CRTAC1: variants seen among roughly 807,000 people sequenced by gnomAD.
The protein encoded by CRTAC1 is acidic secreted protein in cartilage.
Under a neutral mutation model 67.8 loss-of-function variants are expected in CRTAC1, and 37 were observed. That is an observed-to-expected ratio of 0.55 (90% CI 0.42 to 0.72). The LOEUF (loss-of-function observed/expected upper bound fraction) is 0.72, where lower values mean the gene tolerates loss of function less well. Among genes scored for constraint, CRTAC1 ranks in the 30% least tolerant of loss-of-function variants. The pLI is 0.00. For synonymous variants in CRTAC1, 348 were observed against 371.0 expected (o/e 0.94, Z 0.71); for missense variants, 780 against 931.6 (o/e 0.84, Z 2.12).
At chr10:97,947,989 T>C (rs1008179572) in intron 2 of CRTAC1, among the ~76,000 whole-genome samples, 11 of 152,154 alleles carry the variant, frequency 7.2e-5, no homozygotes, top group African/African-American at 2.6e-4. Context: ...TACTGTTATG[T>C]CAAAACAATG....
chr10:97,922,003 A>T (rs541463723), intron 4 of CRTAC1, among the ~76,000 whole-genome samples: 1 of 151,930 alleles, frequency 6.6e-6, no homozygotes, highest in African/African-American at 2.4e-5. Flanking sequence ...TTTGTGATTA[A>T]CCTGCATGCC....
At chr10:98,027,319 A>G (rs1201183028) in intron 1 of CRTAC1, among the ~76,000 whole-genome samples, 3 of 152,230 alleles carry the variant, frequency 2.0e-5, no homozygotes, top group African/African-American at 4.8e-5. Flanking sequence ...GAAGAAGTCC[A>G]AACATAAGGA....
rs1013665405 is a variant in CRTAC1, at chr10:97,984,282, A to C, written c.224+26856T>G. Among the ~76,000 whole-genome samples, 7 of 152,174 alleles carry C rather than the reference A, an allele frequency of 4.6e-5. No individual in the cohort carries two copies. In the South Asian group the frequency reaches 6.2e-4, roughly 14 times the overall value. On this transcript the variant is annotated intron_variant, in intron 2 of 14. Coordinates refer to ENST00000370597, the MANE Select transcript of CRTAC1 (RefSeq NM_018058.7). ...AGATAATGAGATGGGCTATTTAATA[A>C]ATATATTGGAATCCATCCATCCAAA...
chr10:97,971,481 G>A (rs775793211), intron 2 of CRTAC1, among the ~76,000 whole-genome samples: 2 of 152,200 alleles, frequency 1.3e-5, no homozygotes, highest in Non-Finnish European at 2.9e-5. Flanking sequence ...AAGTTGAATG[G>A]TGGCTGCCAG....
intron 2 of CRTAC1, among the ~76,000 whole-genome samples, chr10:97,949,855 T>A (rs1441043355): frequency 1.3e-5 from 2 of 152,214 alleles, no homozygotes; most frequent in Admixed American, 6.5e-5. Context: ...AGGATTAGGA[T>A]AATATCTATA....
chr10:97,889,557 C>T (rs747056738), intron 11 of CRTAC1, among the ~76,000 whole-genome samples: 2 of 151,928 alleles, frequency 1.3e-5, no homozygotes, highest in Non-Finnish European at 2.9e-5. Context: ...CTGGGAACCC[C>T]GCATGCACTC....
chr10:97,937,767 T>C (rs925492749), intron 2 of CRTAC1, among the ~76,000 whole-genome samples: 1 of 152,106 alleles, frequency 6.6e-6, no homozygotes, highest in Non-Finnish European at 1.5e-5. Flanking sequence ...TGAGGCCTCT[T>C]CCTGCCCACT....
At chr10:97,955,356 CT>C (rs1306801194) in intron 2 of CRTAC1, among the ~76,000 whole-genome samples, 1 of 152,208 alleles carries the variant, frequency 6.6e-6, no homozygotes, top group East Asian at 1.9e-4. Context: ...TGTTAGGATA[CT>C]GCATAAGATT....
At chr10:98,023,846 A>G (rs1196206782) in intron 1 of CRTAC1, among the ~76,000 whole-genome samples, 1 of 152,188 alleles carries the variant, frequency 6.6e-6, no homozygotes, top group African/African-American at 2.4e-5. Context: ...GGGAGCCTCA[A>G]GTGACTTCCT....
chr10:97,989,646 C>T (rs968098818), intron 2 of CRTAC1, among the ~76,000 whole-genome samples: 14 of 152,204 alleles, frequency 9.2e-5, no homozygotes, highest in African/African-American at 2.7e-4. Context: ...CGTTGCATGC[C>T]ATAACTCCTA....
At chr10:97,879,901 C>T (rs1172712142) in intron 14 of CRTAC1, 1 of 1,130,270 alleles carries the variant, frequency 8.8e-7, no homozygotes. Context: ...GAAGAAATTA[C>T]CAGTTTAGAA....
rs145450540 is a variant in CRTAC1, at chr10:97,958,428, T to C, written c.225-22062A>G. On this transcript the variant is annotated intron_variant, in intron 2 of 14. Transcript: ENST00000370597. ...TCTCTCACTGCCCTGACCCATACCCTAAGCCATACTTGTAGAGCTAGTGAA... is the reference window on the plus strand; with the variant it reads ...TCTCTCACTGCCCTGACCCATACCCCAAGCCATACTTGTAGAGCTAGTGAA... 1.1e-3 allele frequency among the ~76,000 whole-genome samples: 170 copies of C among 152,354 alleles called. 1 individual carries two copies. The highest frequency in any genetic ancestry group is 3.9e-3 in the African/African-American group (161 of 41,588).
rs932178865 is a variant in CRTAC1, at chr10:97,901,404, C to T, written c.1133+99G>A. The T allele has an allele frequency of 5.3e-6, 8 of 1,498,052 alleles. No homozygotes were observed. In the African/African-American group the frequency reaches 1.1e-4, roughly 21 times the overall value. 92.8% of individuals were successfully genotyped at this position (1,498,052 alleles called of 1,614,324 possible). The stretch of plus-strand genomic sequence containing the variant: ...TTGACCTTGGCCTGACCCCCTGGCC[C>T]TGGGAACCCTCCCCTTCTGATTCTT... On this transcript the variant is annotated intron_variant, in intron 8 of 14. Coordinates refer to ENST00000370597, the MANE Select transcript of CRTAC1 (RefSeq NM_018058.7).
At chr10:97,907,988 A>T in intron 6 of CRTAC1, 25 bp downstream of exon 6, 1 of 1,613,330 alleles carries the variant, frequency 6.2e-7, no homozygotes, top group Non-Finnish European at 8.5e-7. Context: ...GTCAGGGTGC[A>T]CAGGGCATGG....
At chr10:97,937,697 G>A (rs2051111057) in intron 2 of CRTAC1, among the ~76,000 whole-genome samples, 1 of 152,142 alleles carries the variant, frequency 6.6e-6, no homozygotes, top group Admixed American at 6.5e-5. Flanking sequence ...AGAAAACAAG[G>A]GCCCTGCAGG....
At chr10:97,971,921 G>C (rs1371138545) in intron 2 of CRTAC1, among the ~76,000 whole-genome samples, 1 of 152,104 alleles carries the variant, frequency 6.6e-6, no homozygotes, top group Non-Finnish European at 1.5e-5. Flanking sequence ...GGAAACGCAG[G>C]GGAGCTGGAC....
intron 14 of CRTAC1, chr10:97,878,663 T>C: frequency 2.3e-6 from 3 of 1,303,970 alleles, no homozygotes; most frequent in Non-Finnish European, 3.0e-6. Context: ...CCAAGGAGAT[T>C]GCAGAGACCA....
At chr10:97,943,973 T>A (rs148189536) in intron 2 of CRTAC1, among the ~76,000 whole-genome samples, 1 of 151,848 alleles carries the variant, frequency 6.6e-6, no homozygotes, top group African/African-American at 2.4e-5. Context: ...AAAATTAGAA[T>A]AAGGTTTAGT....
intron 2 of CRTAC1, among the ~76,000 whole-genome samples, chr10:97,960,120 G>A (rs2051503311): frequency 1.3e-5 from 2 of 152,248 alleles, no homozygotes; most frequent in South Asian, 4.1e-4. Context: ...GGGGATGGTA[G>A]GAATGCTCCC....
Sources: allele counts gnomAD v4.1 joint callset (sites outside exome capture counted in the v4.1 genomes callset), GRCh38; gene constraint gnomAD v4.1.1; transcripts MANE v1.5; gene names NCBI Gene and HGNC (gene_info 2026-07-23, HGNC 2026-07-21).